LIFR: variants seen among roughly 807,000 people sequenced by gnomAD.
The protein encoded by LIFR is leukemia inhibitory factor receptor.
A neutral mutation model predicts 122.2 loss-of-function variants in LIFR; 84 were observed. The observed-to-expected ratio is 0.69, with a 90% confidence interval of 0.58 to 0.82. The LOEUF (loss-of-function observed/expected upper bound fraction) is 0.82. Ranked by LOEUF, LIFR falls within the 40% of genes least tolerant of loss-of-function variation. The probability of loss-of-function intolerance (pLI) is 0.00; values close to 1 mark genes in which losing one functional copy is unlikely to be tolerated. For missense variants in LIFR, 1,294 were observed against 1,311.6 expected, an observed-to-expected ratio of 0.99 and a Z score of 0.21; for synonymous variants, 422 against 434.7, an observed-to-expected ratio of 0.97 and a Z score of 0.36.
chr5:38,542,550 T>C (rs1561193087), intron 1 of LIFR, among the ~76,000 whole-genome samples: 1 of 152,112 alleles, frequency 6.6e-6, no homozygotes, highest in African/African-American at 2.4e-5. Context: ...AAATTCAGTT[T>C]TGTATGCCTA....
intron 12 of LIFR, 64 bp from the exon 13 acceptor site, chr5:38,496,659 T>C (rs922866659): frequency 8.9e-6 from 11 of 1,231,916 alleles, no homozygotes; most frequent in Admixed American, 5.1e-5. Flanking sequence ...GGCAAGGTAA[T>C]TGGGTTTAAA....
intron 13 of LIFR, among the ~76,000 whole-genome samples, chr5:38,494,450 GGGC>G: frequency 1.5e-5 from 1 of 66,734 alleles, no homozygotes; most frequent in African/African-American, 4.7e-5. Flanking sequence ...AGACACCAAG[GGGC>G]AAGGGGCAAG....
At chr5:38,560,745 G>A (rs576261629), upstream of LIFR, among the ~76,000 whole-genome samples, 11 of 151,956 alleles carry the variant, frequency 7.2e-5, no homozygotes, top group Admixed American at 2.0e-4. Flanking sequence ...ACAGGTGTCC[G>A]CCACCACGTC....
chr5:38,527,500 C>G (rs1035601343), intron 3 of LIFR, among the ~76,000 whole-genome samples: 1 of 152,106 alleles, frequency 6.6e-6, no homozygotes, highest in Non-Finnish European at 1.5e-5. Context: ...CCTCATTGTA[C>G]CAAAAGTAGA....
chr5:38,559,236 C>T (rs1748740068), upstream of LIFR: 1 of 152,174 alleles, frequency 6.6e-6, no homozygotes, highest in Non-Finnish European at 1.5e-5. Flanking sequence ...TTACACCATA[C>T]TGAGGTACAA....
At chr5:38,532,984 G>T (rs535254115) in intron 1 of LIFR, among the ~76,000 whole-genome samples, 2 of 152,328 alleles carry the variant, frequency 1.3e-5, no homozygotes, top group South Asian at 4.1e-4. Flanking sequence ...CAGGGGCAAA[G>T]CAAGTAACAA....
At chr5:38,570,885 T>C (rs985287587) in intron 1 of LIFR, among the ~76,000 whole-genome samples, 1 of 152,246 alleles carries the variant, frequency 6.6e-6, no homozygotes, top group African/African-American at 2.4e-5. Flanking sequence ...ACTCTTCTTA[T>C]AATTAATTAC....
chr5:38,572,619 G>A (rs1749251402), intron 1 of LIFR, among the ~76,000 whole-genome samples: 1 of 152,126 alleles, frequency 6.6e-6, no homozygotes, highest in African/African-American at 2.4e-5. Context: ...CTCCTTCTGT[G>A]CGGGCCTGAA....
At chr5:38,574,249 T>C (rs1178157053) in intron 1 of LIFR, among the ~76,000 whole-genome samples, 1 of 152,176 alleles carries the variant, frequency 6.6e-6, no homozygotes, top group East Asian at 1.9e-4. Flanking sequence ...CTCTTTTCCT[T>C]ACACATGCCA....
chr5:38,490,805 G>A (rs1422001113), intron 14 of LIFR: 2 of 152,058 alleles, frequency 1.3e-5, no homozygotes, highest in African/African-American at 2.4e-5. Context: ...TCACCATCTT[G>A]GCCAGGTTGG....
chr5:38,519,351 T>C (rs750638147), intron 5 of LIFR, among the ~76,000 whole-genome samples: 1 of 152,184 alleles, frequency 6.6e-6, no homozygotes, highest in African/African-American at 2.4e-5. Flanking sequence ...TATTGATACA[T>C]AGTATTTATG....
intron 8 of LIFR, 39 bp downstream of exon 8, chr5:38,506,464 A>G (rs1745488528): frequency 6.2e-7 from 1 of 1,612,412 alleles, no homozygotes; most frequent in Non-Finnish European, 8.5e-7. Flanking sequence ...CTTCCAACGT[A>G]CTCCTTGCCA....
upstream of LIFR, among the ~76,000 whole-genome samples, chr5:38,599,656 G>T (rs766769526): frequency 6.6e-6 from 1 of 152,160 alleles, no homozygotes; most frequent in Non-Finnish European, 1.5e-5. Flanking sequence ...TTAATCTATA[G>T]CTTATCTTCT....
At chr5:38,509,105 CTATTA>C (rs1745655055) in intron 7 of LIFR, among the ~76,000 whole-genome samples, 1 of 152,164 alleles carries the variant, frequency 6.6e-6, no homozygotes, top group Non-Finnish European at 1.5e-5. Context: ...TTAGCTTGTT[CTATTA>C]CTATGATAAA....
intron 1 of LIFR, among the ~76,000 whole-genome samples, chr5:38,539,602 A>G (rs1359029044): frequency 2.0e-5 from 3 of 152,160 alleles, no homozygotes; most frequent in Non-Finnish European, 4.4e-5. Flanking sequence ...TATGCTTTTC[A>G]ATGAACCTGT....
intron 1 of LIFR, among the ~76,000 whole-genome samples, chr5:38,547,468 T>C (rs1428743126): frequency 1.3e-5 from 2 of 152,126 alleles, no homozygotes; most frequent in African/African-American, 2.4e-5. Flanking sequence ...CATGAAAACA[T>C]GACTCAAGAA....
At chr5:38,526,400 T>A (rs1160699666) in intron 4 of LIFR, among the ~76,000 whole-genome samples, 1 of 149,692 alleles carries the variant, frequency 6.7e-6, no homozygotes, top group African/African-American at 2.5e-5. Flanking sequence ...TTACACATGG[T>A]AAGTACAAAC....
intron 1 of LIFR, among the ~76,000 whole-genome samples, chr5:38,541,144 C>T (rs548948820): frequency 6.6e-6 from 1 of 152,288 alleles, no homozygotes; most frequent in Admixed American, 6.5e-5. Context: ...TGGCTTCAGA[C>T]CACGGTCTAC....
chr5:38,582,527 T>G (rs915439801), intron 1 of LIFR, among the ~76,000 whole-genome samples: 1 of 152,210 alleles, frequency 6.6e-6, no homozygotes, highest in African/African-American at 2.4e-5. Context: ...GGCATTTATA[T>G]ATATATAATA....
Sources: gnomAD v4.1 joint callset for allele counts (sites outside exome capture counted in the v4.1 genomes callset) on GRCh38, gnomAD v4.1.1 for gene constraint, MANE v1.5 for transcripts, NCBI Gene and HGNC (gene_info 2026-07-23, HGNC 2026-07-21) for gene names.